Variants in COMMD5 observed in about 807,000 individuals in gnomAD.
COMMD5 encodes the protein COMM domain-containing protein 5.
In COMMD5, 10 loss-of-function variants were observed where a neutral mutation model predicts 6.9. The ratio of observed to expected loss-of-function variants is 1.44; its 90% CI spans 0.89 to 2.45. The LOEUF is 2.45. Ranked by LOEUF, COMMD5 falls within the 30% of genes most tolerant of loss-of-function variation. COMMD5 has a pLI of 0.00. For synonymous variants in COMMD5, 127 were observed against 125.3 expected (o/e 1.01, Z -0.09); for missense variants, 234 against 287.8 (o/e 0.81, Z 1.35).
upstream of COMMD5, chr8:144,853,456 G>GGAGCC (rs1333161236): frequency 6.6e-6 from 1 of 152,202 alleles, no homozygotes; most frequent in Admixed American, 6.5e-5. Flanking sequence ...AGCGCGGAGC[G>GGAGCC]GAGCCGAGCG....
intron 1 of COMMD5, among the ~76,000 whole-genome samples, chr8:144,844,247 G>A (rs1830351074): frequency 1.3e-5 from 2 of 152,126 alleles, no homozygotes; most frequent in Admixed American, 6.5e-5. Flanking sequence ...GTCAGAGAAC[G>A]AGCACTCAAG....
chr8:144,842,532 C>G (rs765758845), intron 1 of COMMD5: 28 of 1,613,800 alleles, frequency 1.7e-5, no homozygotes, highest in Non-Finnish European at 2.4e-5. Flanking sequence ...ATGAGTGTGG[C>G]AAAGGCTTTG....
chr8:144,838,104 C>A (rs1165184777), downstream of COMMD5: 1 of 703,014 alleles, frequency 1.4e-6, no homozygotes, highest in Admixed American at 2.0e-5. Context: ...CCTCTCCGGG[C>A]AGCTGGTGGT....
At chr8:144,850,132 C>T (rs1394355294), downstream of COMMD5, 1 of 155,516 alleles carries the variant, frequency 6.4e-6, no homozygotes, top group Non-Finnish European at 1.4e-5. This position sits in a 1 kb window ranked among gnomAD's most constrained non-coding sequence, Gnocchi z 4.0. Flanking sequence ...AGCACGCAGA[C>T]CCCACCCTAC....
At chr8:144,844,805 A>C (rs1268884520) in intron 1 of COMMD5, among the ~76,000 whole-genome samples, 1 of 149,248 alleles carries the variant, frequency 6.7e-6, no homozygotes, top group South Asian at 2.2e-4. Context: ...AGGGGTGATG[A>C]GAGGGAGTGG....
exon 2 of COMMD5, chr8:144,841,257 C>T (rs1156502600): frequency 1.6e-6 from 2 of 1,282,944 alleles, no homozygotes; most frequent in East Asian, 4.6e-5. Flanking sequence ...CTCAGTGCAA[C>T]TATCCTGGGA....
chr8:144,843,032 T>A (rs1322796188), intron 1 of COMMD5: 1 of 1,614,182 alleles, frequency 6.2e-7, no homozygotes, highest in Non-Finnish European at 8.5e-7. Context: ...TGTGAGAAGA[T>A]ATTTAGGTGG....
At chr8:144,843,992 C>G (rs1036939950) in intron 1 of COMMD5, among the ~76,000 whole-genome samples, 1 of 152,142 alleles carries the variant, frequency 6.6e-6, no homozygotes, top group Non-Finnish European at 1.5e-5. Flanking sequence ...GCAGGCTGGG[C>G]TAGCAGGTAC....
chr8:144,843,138 T>A (rs1830187708), intron 1 of COMMD5: 6 of 1,596,012 alleles, frequency 3.8e-6, no homozygotes, highest in South Asian at 1.1e-5. Flanking sequence ...GCTCAAGGCT[T>A]ACCCAGCATC....
At chr8:144,845,602 A>G (rs1279843478), downstream of COMMD5, among the ~76,000 whole-genome samples, 4 of 152,188 alleles carry the variant, frequency 2.6e-5, no homozygotes, top group Non-Finnish European at 4.4e-5. Context: ...TTTCTCACAC[A>G]GCATCTAATT....
At chr8:144,845,109 G>A (rs1030137462) in intron 1 of COMMD5, among the ~76,000 whole-genome samples, 4 of 152,104 alleles carry the variant, frequency 2.6e-5, no homozygotes, top group Admixed American at 6.5e-5. Context: ...TTTATGGTGC[G>A]GGACAGCTTT....
downstream of COMMD5, among the ~76,000 whole-genome samples, chr8:144,840,825 C>T (rs1171622859): frequency 6.6e-6 from 1 of 152,132 alleles, no homozygotes; most frequent in African/African-American, 2.4e-5. Flanking sequence ...TCAGAGAAGC[C>T]CACCCCAGGG....
exon 2 of COMMD5, chr8:144,841,522 C>G: frequency 1.9e-6 from 3 of 1,614,146 alleles, no homozygotes; most frequent in Non-Finnish European, 2.5e-6. Context: ...TCTGGGCAGT[C>G]CCGGGCTGAA....
intron 1 of COMMD5, among the ~76,000 whole-genome samples, chr8:144,844,916 G>A (rs867056133): frequency 6.7e-6 from 1 of 150,218 alleles, no homozygotes; most frequent in African/African-American, 2.5e-5. Flanking sequence ...AGGACTCTGG[G>A]GAGAACTTAG....
chr8:144,841,379 A>T (rs1444694103), exon 2 of COMMD5: 21 of 1,607,586 alleles, frequency 1.3e-5, no homozygotes, highest in Non-Finnish European at 1.5e-5. Context: ...ACTGAAAATG[A>T]GCAGGCCTGT....
At chr8:144,848,100 C>A (rs544973974), downstream of COMMD5, among the ~76,000 whole-genome samples, 1 of 152,216 alleles carries the variant, frequency 6.6e-6, no homozygotes, top group African/African-American at 2.4e-5. Flanking sequence ...AAAACCAGCA[C>A]TTTGGGAGGC....
intron 1 of COMMD5, chr8:144,843,303 C>G: frequency 8.6e-7 from 1 of 1,161,664 alleles, no homozygotes; most frequent in South Asian, 1.7e-5. Flanking sequence ...GAATATCCAA[C>G]TTCAGGCCGA....
downstream of COMMD5, among the ~76,000 whole-genome samples, chr8:144,840,337 G>A (rs775075349): frequency 3.3e-5 from 5 of 152,236 alleles, no homozygotes; most frequent in African/African-American, 1.2e-4. Flanking sequence ...GGAGATCCCT[G>A]GAAGCCGGAG....
chr8:144,844,730 A>C (rs1303936600), intron 1 of COMMD5, among the ~76,000 whole-genome samples: 4 of 122,880 alleles, frequency 3.3e-5, no homozygotes, highest in East Asian at 2.3e-4. Context: ...AAAAAAAAAA[A>C]AAAAAACGAA....
Sources: allele counts gnomAD v4.1 joint callset (sites outside exome capture counted in the v4.1 genomes callset), GRCh38; gene constraint gnomAD v4.1.1; non-coding constraint Gnocchi (gnomAD v3.1); transcripts MANE v1.5; gene names NCBI Gene and HGNC (gene_info 2026-07-23, HGNC 2026-07-21).